Variants in NKAIN3 observed in about 807,000 individuals in gnomAD.
The protein encoded by NKAIN3 is sodium/potassium transporting ATPase interacting 3.
NKAIN3 carries 25 observed loss-of-function variants against 30.2 expected under a neutral mutation model. That is an observed-to-expected ratio of 0.83 (90% CI 0.60 to 1.16). The LOEUF is 1.16. NKAIN3 is among the 50% of genes most tolerant of loss of function. The probability of loss-of-function intolerance (pLI) is 0.00; values close to 1 mark genes in which losing one functional copy is unlikely to be tolerated. For missense variants in NKAIN3, 225 were observed against 254.1 expected (o/e 0.89, Z 0.78); for synonymous variants, 91 against 89.6 (o/e 1.02, Z -0.09).
chr8:62,933,864 A>G (rs1187065372), intron 5 of NKAIN3, among the ~76,000 whole-genome samples: 2 of 152,232 alleles, frequency 1.3e-5, no homozygotes, highest in African/African-American at 4.8e-5. Flanking sequence ...ATACTGACAC[A>G]AAGGCCTCAG....
At chr8:62,321,153 G>A (rs1289105053) in intron 1 of NKAIN3, among the ~76,000 whole-genome samples, 17 of 151,952 alleles carry the variant, frequency 1.1e-4, no homozygotes, top group Non-Finnish European at 2.1e-4. Context: ...CATTTGTCAC[G>A]TACTTCTCAT....
chr8:62,857,953 A>G (rs970810725), intron 4 of NKAIN3, among the ~76,000 whole-genome samples: 1 of 151,854 alleles, frequency 6.6e-6, no homozygotes, highest in Non-Finnish European at 1.5e-5. Flanking sequence ...TTTTGAGTTG[A>G]TTCTTTCTCA....
At chr8:62,408,821 T>C (rs1485752816) in intron 1 of NKAIN3, among the ~76,000 whole-genome samples, 2 of 152,058 alleles carry the variant, frequency 1.3e-5, no homozygotes, top group South Asian at 2.1e-4. Context: ...GTTTTCTTTA[T>C]AAAAAAAATT....
intron 4 of NKAIN3, among the ~76,000 whole-genome samples, chr8:62,847,594 T>C (rs1371646993): frequency 1.3e-5 from 2 of 152,136 alleles, no homozygotes; most frequent in Non-Finnish European, 2.9e-5. Context: ...CTTTGTCAGA[T>C]GGTTAGAGTG....
chr8:62,312,989 G>A (rs1290566475), intron 1 of NKAIN3, among the ~76,000 whole-genome samples: 1 of 151,910 alleles, frequency 6.6e-6, no homozygotes, highest in Admixed American at 6.6e-5. Context: ...ACAGTTTTCA[G>A]GAGAGAATAG....
chr8:62,948,291 G>A (rs189784074), intron 5 of NKAIN3, among the ~76,000 whole-genome samples: 120 of 151,616 alleles, frequency 7.9e-4, no homozygotes, highest in Non-Finnish European at 1.2e-3. Context: ...CCTCCTCCTC[G>A]AGGGTTCAAG....
intron 1 of NKAIN3, among the ~76,000 whole-genome samples, chr8:62,364,592 C>T (rs930464343): frequency 1.3e-5 from 2 of 151,926 alleles, no homozygotes; most frequent in African/African-American, 4.8e-5. Context: ...CCTGTAATCC[C>T]AGCACTTTGG....
intron 1 of NKAIN3, among the ~76,000 whole-genome samples, chr8:62,330,748 G>A (rs1815315583): frequency 6.6e-6 from 1 of 151,902 alleles, no homozygotes; most frequent in South Asian, 2.1e-4. Flanking sequence ...CACCTGAGTA[G>A]TGTTAAGTAA....
downstream of NKAIN3, among the ~76,000 whole-genome samples, chr8:62,989,257 C>A (rs760280254): frequency 2.0e-5 from 3 of 152,206 alleles, no homozygotes; most frequent in Non-Finnish European, 4.4e-5. Context: ...CAGAGGTGCA[C>A]CACCATCTGG....
At chr8:62,488,950 T>C (rs1159327563) in intron 1 of NKAIN3, among the ~76,000 whole-genome samples, 1 of 152,226 alleles carries the variant, frequency 6.6e-6, no homozygotes, top group East Asian at 1.9e-4. Flanking sequence ...TTATATATTC[T>C]AGCAAAATGG....
chr8:62,885,910 T>C (rs1821133281), intron 4 of NKAIN3, among the ~76,000 whole-genome samples: 2 of 152,184 alleles, frequency 1.3e-5, no homozygotes, highest in Admixed American at 6.5e-5. Flanking sequence ...CAACATGTAG[T>C]TGGGTCTTGT....
intron 4 of NKAIN3, among the ~76,000 whole-genome samples, chr8:62,802,682 G>C (rs540894353): frequency 1.3e-5 from 2 of 152,138 alleles, no homozygotes; most frequent in Non-Finnish European, 2.9e-5. Flanking sequence ...AAAGACCATC[G>C]AGGCTAGGAA....
intron 4 of NKAIN3, among the ~76,000 whole-genome samples, chr8:62,896,739 G>A (rs1821439479): frequency 2.0e-5 from 3 of 152,178 alleles, no homozygotes. Context: ...AGATAGGCAA[G>A]CTTAGCAGAA....
chr8:62,353,111 G>A (rs979519601), intron 1 of NKAIN3, among the ~76,000 whole-genome samples: 1 of 152,140 alleles, frequency 6.6e-6, no homozygotes, highest in Non-Finnish European at 1.5e-5. Context: ...TGCCTAGTAG[G>A]CCTGTGCCAT....
chr8:62,465,847 A>G lies in NKAIN3; in HGVS notation c.55-113692A>G, dbSNP rs528772098. Among the ~76,000 whole-genome samples the G allele has an allele frequency of 2.0e-5, 3 of 152,094 alleles. No individual in the cohort carries two copies. The South Asian group carries it at 6.2e-4, about 32-fold the overall frequency. On this transcript the variant is annotated intron_variant, in intron 1 of 6. Coordinates refer to ENST00000623646, the MANE Select transcript of NKAIN3 (RefSeq NM_001304533.3). ...AGACCAGCCTGGCCAACATGGTGAA[A>G]CCCCATTTCTACTAAAAATACAAAA...
At chr8:62,552,779 T>A (rs1809255971) in intron 1 of NKAIN3, among the ~76,000 whole-genome samples, 3 of 152,196 alleles carry the variant, frequency 2.0e-5, no homozygotes, top group Admixed American at 2.0e-4. Flanking sequence ...ACTTCTCCCC[T>A]GTGTGTGGTG....
chr8:62,649,357 G>T (rs529686162), intron 3 of NKAIN3, among the ~76,000 whole-genome samples: 1 of 152,172 alleles, frequency 6.6e-6, no homozygotes, highest in Non-Finnish European at 1.5e-5. Flanking sequence ...ACAATTGTGA[G>T]TGACTCCTCT....
At chr8:62,964,578 G>A (rs75467097) in intron 6 of NKAIN3, among the ~76,000 whole-genome samples, 1,734 of 145,164 alleles carry the variant, frequency 0.012, 34 homozygotes, top group African/African-American at 0.042. Context: ...GTGTGTGTGT[G>A]CTTCCCCACA....
At chr8:62,420,787 T>A (rs1047576176) in intron 1 of NKAIN3, among the ~76,000 whole-genome samples, 3 of 152,194 alleles carry the variant, frequency 2.0e-5, no homozygotes, top group Non-Finnish European at 4.4e-5. Flanking sequence ...CATTTTCAGA[T>A]AAATTTACAC....
Sources: allele counts gnomAD v4.1 joint callset (sites outside exome capture counted in the v4.1 genomes callset), GRCh38; gene constraint gnomAD v4.1.1; transcripts MANE v1.5; gene names NCBI Gene and HGNC (gene_info 2026-07-23, HGNC 2026-07-21).